Variants in GALNT13 observed in about 807,000 individuals in gnomAD.
The protein encoded by GALNT13 is UDP-GalNAc:polypeptide N-acetylgalactosaminyltransferase 13.
A neutral mutation model predicts 64.2 loss-of-function variants in GALNT13; 28 were observed. The observed-to-expected ratio is 0.44, with a 90% CI of 0.32 to 0.60. The LOEUF is 0.60. Among genes scored for constraint, GALNT13 ranks in the 20% least tolerant of loss-of-function variants. GALNT13 has a pLI of 0.05. For synonymous variants in GALNT13, 214 were observed against 224.6 expected, an observed-to-expected ratio of 0.95 and a Z score of 0.42; for missense variants, 577 against 669.8, an observed-to-expected ratio of 0.86 and a Z score of 1.53.
intron 2 of GALNT13, among the ~76,000 whole-genome samples, chr2:153,928,218 G>A (rs1172698373): frequency 6.6e-6 from 1 of 151,972 alleles, no homozygotes; most frequent in African/African-American, 2.4e-5. Context: ...GTTTTGAAAT[G>A]GAAGCCTAGA....
At chr2:153,482,533 G>A in the GALNT13 span, among the ~76,000 whole-genome samples, 2 of 152,116 alleles carry the variant, frequency 1.3e-5, no homozygotes, top group Admixed American at 1.3e-4. Flanking sequence ...GCAGTGGCAC[G>A]ATCTGGGCTC....
At chr2:153,695,415 T>A in the GALNT13 span, among the ~76,000 whole-genome samples, 1 of 152,200 alleles carries the variant, frequency 6.6e-6, no homozygotes, top group African/African-American at 2.4e-5. Flanking sequence ...AAGTTTTAGG[T>A]CTGATAGATT....
intron 2 of GALNT13, among the ~76,000 whole-genome samples, chr2:153,923,645 C>T (rs577906562): frequency 6.6e-6 from 1 of 151,908 alleles, no homozygotes; most frequent in South Asian, 2.1e-4. Flanking sequence ...CACCCATTAA[C>T]TTGTCATTTA....
the GALNT13 span, among the ~76,000 whole-genome samples, chr2:153,444,299 T>C: frequency 6.6e-6 from 1 of 152,214 alleles, no homozygotes; most frequent in Admixed American, 6.5e-5. Context: ...GGAGTTCTTG[T>C]ACTTTGTTAG....
chr2:153,199,950 A>G, the GALNT13 span, among the ~76,000 whole-genome samples: 1 of 152,208 alleles, frequency 6.6e-6, no homozygotes, highest in Non-Finnish European at 1.5e-5. Context: ...AACAAGATCT[A>G]TGTTCATTGA....
At chr2:153,131,014 A>G in the GALNT13 span, among the ~76,000 whole-genome samples, 1 of 152,178 alleles carries the variant, frequency 6.6e-6, no homozygotes, top group Non-Finnish European at 1.5e-5. Flanking sequence ...AACCTTACAT[A>G]CACAGGAGAG....
the GALNT13 span, among the ~76,000 whole-genome samples, chr2:153,814,229 A>G: frequency 6.6e-6 from 1 of 152,108 alleles, no homozygotes; most frequent in East Asian, 1.9e-4. Flanking sequence ...TCACGAGGTC[A>G]GGAGATCGAG....
At chr2:153,622,686 A>C in the GALNT13 span, among the ~76,000 whole-genome samples, 10 of 152,300 alleles carry the variant, frequency 6.6e-5, no homozygotes, top group African/African-American at 2.4e-4. Flanking sequence ...ATATTTACTG[A>C]ATTGTACACA....
At chr2:153,847,324 T>C in the GALNT13 span, among the ~76,000 whole-genome samples, 492 of 152,176 alleles carry the variant, frequency 3.2e-3, no homozygotes, top group Non-Finnish European at 5.9e-3. Flanking sequence ...AATCTTTCAG[T>C]AACTTATATA....
chr2:154,297,753 A>G (rs1390504238), intron 8 of GALNT13, among the ~76,000 whole-genome samples: 1 of 152,208 alleles, frequency 6.6e-6, no homozygotes, highest in Non-Finnish European at 1.5e-5. Flanking sequence ...GCATATGCAT[A>G]CAGATGATGA....
At chr2:154,103,876 C>T (rs1702473073) in intron 3 of GALNT13, among the ~76,000 whole-genome samples, 1 of 152,090 alleles carries the variant, frequency 6.6e-6, no homozygotes, top group South Asian at 2.1e-4. Flanking sequence ...AAGCTTCTTT[C>T]ATACTCTAGC....
At chr2:153,973,508 A>G (rs980798644) in intron 3 of GALNT13, among the ~76,000 whole-genome samples, 1 of 151,844 alleles carries the variant, frequency 6.6e-6, no homozygotes, top group East Asian at 1.9e-4. Flanking sequence ...TCTCTTCTCA[A>G]CTCATATAGT....
chr2:153,167,245 G>A, the GALNT13 span, among the ~76,000 whole-genome samples: 1 of 152,142 alleles, frequency 6.6e-6, no homozygotes, highest in African/African-American at 2.4e-5. Context: ...CATCCCAACA[G>A]AAGGGTCATA....
chr2:153,840,860 C>A, the GALNT13 span, among the ~76,000 whole-genome samples: 1 of 152,128 alleles, frequency 6.6e-6, no homozygotes, highest in Non-Finnish European at 1.5e-5. Flanking sequence ...GAGTAGGATG[C>A]AGAAGCATGG....
At chr2:154,386,485 A>G (rs1282616728) in intron 9 of GALNT13, among the ~76,000 whole-genome samples, 2 of 152,074 alleles carry the variant, frequency 1.3e-5, no homozygotes, top group African/African-American at 4.8e-5. Context: ...TAAGACAAAT[A>G]TAACTTTCTC....
chr2:153,923,059 T>C (rs1329782249), intron 2 of GALNT13, among the ~76,000 whole-genome samples: 2 of 151,840 alleles, frequency 1.3e-5, no homozygotes, highest in Non-Finnish European at 1.5e-5. Context: ...GCCACAGTGC[T>C]TGGCTAATTT....
At chr2:154,072,200 A>G (rs1365416815) in intron 3 of GALNT13, among the ~76,000 whole-genome samples, 1 of 152,120 alleles carries the variant, frequency 6.6e-6, no homozygotes, top group Non-Finnish European at 1.5e-5. Context: ...TGATGCGGAT[A>G]GCCAAAGAAA....
the GALNT13 span, among the ~76,000 whole-genome samples, chr2:153,534,587 T>G: frequency 6.8e-6 from 1 of 146,284 alleles, no homozygotes; most frequent in Non-Finnish European, 1.5e-5. Context: ...GCGGGCCAAG[T>G]CCGAAAAGAG....
At chr2:153,144,865 T>TA in the GALNT13 span, among the ~76,000 whole-genome samples, 1 of 151,864 alleles carries the variant, frequency 6.6e-6, no homozygotes, top group African/African-American at 2.4e-5. Context: ...GATCTTCACT[T>TA]GCTTATAAGA....
Sources: allele counts gnomAD v4.1 joint callset (sites outside exome capture counted in the v4.1 genomes callset), GRCh38; gene constraint gnomAD v4.1.1; transcripts MANE v1.5; gene names NCBI Gene and HGNC (gene_info 2026-07-23, HGNC 2026-07-21).